The following SLC12A3 variants were observed in gnomAD, a reference collection of about 807,000 sequenced individuals.
The protein encoded by SLC12A3 is solute carrier family 12 member 3.
A neutral mutation model predicts 121.0 loss-of-function variants in SLC12A3; 104 were observed. The ratio of observed to expected loss-of-function variants is 0.86; its 90% CI spans 0.73 to 1.01. SLC12A3 has a LOEUF of 1.01. Ranked by LOEUF, SLC12A3 falls within the 50% of genes least tolerant of loss-of-function variation. The pLI is 0.00. For missense variants in SLC12A3, 1,328 were observed against 1,356.3 expected, an observed-to-expected ratio of 0.98 and a Z score of 0.33; for synonymous variants, 536 against 533.4, an observed-to-expected ratio of 1.00 and a Z score of -0.07.
intron 6 of SLC12A3, 110 bp from the exon 7 acceptor site, chr16:56,872,241 G>A: frequency 1.3e-6 from 1 of 748,794 alleles, no homozygotes; most frequent in South Asian, 1.5e-5. Flanking sequence ...TTGAATGAAT[G>A]AGTGAGTGAA....
Position 56,870,630 on chromosome 16 carries a change from A to G in SLC12A3, c.746A>G (p.Tyr249Cys), listed in dbSNP as rs35762591. ...TGGCCCATTTTCCCTCCCCAGGAGT[A>G]TGGGGCACCCATCGTGGACCCCATT... is the stretch of plus-strand genomic sequence containing the variant. ...AETVRDLLQE[Y>C]GAPIVDPIND... is the part of the protein sequence containing the mutation. The change falls in exon 6 of 26, where the codon TAT (tyrosine) becomes TGT (cysteine). Residue 249 changes from tyrosine (Y) to cysteine (C), a missense_variant. Physicochemically the swap from Tyr to Cys is radical, Grantham distance 194. Transcript: ENST00000563236. 1.1e-5 allele frequency: 17 copies of G among 1,603,740 alleles called. No individual in the cohort carries two copies. In the African/African-American group the frequency reaches 1.5e-4, roughly 14 times the overall value.
rs9921308 is a variant in SLC12A3, at chr16:56,894,793, A to C, written c.2633+151A>C. 128,907 of 649,900 alleles carry C rather than the reference A, an allele frequency of 0.2. 13,645 individuals carry two copies. Among genetic ancestry groups the C allele is most frequent in the African/African-American group, 0.31 (17,194 of 55,632 alleles). 40.3% of individuals were successfully genotyped at this position (649,900 alleles called of 1,614,324 possible). A position where few individuals can be genotyped will look rare whatever the true frequency, so the allele number is the denominator to read the frequency against. ...GCCCAGGGCCAGCTCTCTCCAGGCCATGGCAGTGGGCAGGAGCAGGAGCAG... is the reference window on the plus strand; with the variant it reads ...GCCCAGGGCCAGCTCTCTCCAGGCCCTGGCAGTGGGCAGGAGCAGGAGCAG... On this transcript the variant is annotated intron_variant, in intron 22 of 25. Transcript: ENST00000563236.
intron 8 of SLC12A3, among the ~76,000 whole-genome samples, chr16:56,873,134 C>G (rs2055120784): frequency 6.6e-6 from 1 of 152,168 alleles, no homozygotes; most frequent in Non-Finnish European, 1.5e-5. Flanking sequence ...TCCCAGGGCT[C>G]CCCACTGCCT....
chr16:56,888,482 C>T (rs570094216), intron 18 of SLC12A3, among the ~76,000 whole-genome samples: 6 of 150,282 alleles, frequency 4.0e-5, no homozygotes, highest in Non-Finnish European at 7.4e-5. Flanking sequence ...CTACTTGGCT[C>T]GTGTCCATGC....
Position 56,913,372 on chromosome 16 carries a change from C to A in SLC12A3, c.3033C>A (p.Asn1011Lys). 1 of 1,614,178 alleles carries A rather than the reference C, an allele frequency of 6.2e-7. No individual in the cohort carries two copies. The highest frequency in any genetic ancestry group is 8.5e-7 in the Non-Finnish European group (1 of 1,179,998). ...LRPPVILIRG[N>K]QENVLTFYCQ Reference sequence around the variant, plus strand: ...CTCCAGTCATCCTGATCCGAGGAAACCAGGAAAACGTGCTCACCTTTTACT... The same window carrying A: ...CTCCAGTCATCCTGATCCGAGGAAAACAGGAAAACGTGCTCACCTTTTACT... The change falls in exon 26 of 26, where the codon AAC becomes AAA. Residue 1011 changes from asparagine to lysine, a missense_variant. Asn to Lys is a moderately conservative substitution (Grantham distance 94). Coordinates refer to ENST00000563236, the MANE Select transcript of SLC12A3 (RefSeq NM_001126108.2).
chr16:56,904,255 T>G (rs2055576835), intron 24 of SLC12A3, 140 bp from the exon 25 acceptor site: 4 of 827,666 alleles, frequency 4.8e-6, no homozygotes, highest in Non-Finnish European at 8.4e-6. Context: ...GACAGGAGAC[T>G]CTATAAGAAT....
Position 56,894,639 on chromosome 16 carries a change from A to G in SLC12A3, c.2630A>G (p.Lys877Arg), listed in dbSNP as rs1205537693. The G allele has an allele frequency of 1.2e-6, 2 of 1,613,010 alleles. No individual in the cohort carries two copies. Among genetic ancestry groups the G allele is most frequent in the African/African-American group, 2.7e-5 (2 of 74,882 alleles). ...ATTAACAGGATGGACCAGGAGAGAAAGGCGTAAGTGTGGAGGGCTGGCCTG... is the reference window on the plus strand; with the variant it reads ...ATTAACAGGATGGACCAGGAGAGAAGGGCGTAAGTGTGGAGGGCTGGCCTG... ...GQINRMDQER[K>R]AIISLLSKFR... is the part of the protein sequence containing the mutation. The change falls in exon 22 of 26, where the codon AAG becomes AGG. Residue 877 changes from lysine to arginine, a missense_variant. Lys to Arg is a conservative substitution (Grantham distance 26, BLOSUM62 2). Transcript: ENST00000563236.
intron 1 of SLC12A3, among the ~76,000 whole-genome samples, chr16:56,865,966 T>TTTTTC (rs201167775): frequency 3.4e-4 from 50 of 146,598 alleles, no homozygotes; most frequent in African/African-American, 4.8e-4. Flanking sequence ...GAATTGTTCT[T>TTTTTC]TTTTCTTTTC....
chr16:56,890,375 C>T lies in SLC12A3; in HGVS notation c.2368+19C>T. The T allele has an allele frequency of 1.2e-6, 2 of 1,607,186 alleles. No individual in the cohort carries two copies. Among genetic ancestry groups the T allele is most frequent in the Non-Finnish European group, 1.7e-6 (2 of 1,173,744 alleles). ...GCGCACAGTGAGTACATGCCCCACC[C>T]ACTCCCAGAAAGTTCTAGAACACAT... is the stretch of plus-strand genomic sequence containing the variant. On this transcript the variant is annotated intron_variant, in intron 19 of 25. Coordinates refer to ENST00000563236, the MANE Select transcript of SLC12A3 (RefSeq NM_001126108.2).
intron 25 of SLC12A3, among the ~76,000 whole-genome samples, chr16:56,905,157 T>A (rs1186507019): frequency 6.6e-6 from 1 of 151,906 alleles, no homozygotes; most frequent in African/African-American, 2.4e-5. Flanking sequence ...CTGACCAACA[T>A]GGAGAAACCC....
intron 25 of SLC12A3, among the ~76,000 whole-genome samples, chr16:56,908,491 C>T (rs1181198318): frequency 4.6e-5 from 7 of 151,944 alleles, no homozygotes; most frequent in Admixed American, 1.3e-4. Flanking sequence ...GTTGAACTGC[C>T]GCTTGCAACA....
chr16:56,865,995 T>C (rs1964345604), intron 1 of SLC12A3, among the ~76,000 whole-genome samples: 1 of 150,282 alleles, frequency 6.7e-6, no homozygotes, highest in Non-Finnish European at 1.5e-5. Context: ...TCTTTTCTTT[T>C]TTTTTTTTGA....
intron 13 of SLC12A3, among the ~76,000 whole-genome samples, chr16:56,883,279 C>CTTTTTTTT: frequency 8.4e-6 from 1 of 119,550 alleles, no homozygotes; most frequent in Non-Finnish European, 1.7e-5. Flanking sequence ...CTTTTTCTTT[C>CTTTTTTTT]TTTTTTTTTT....
intron 25 of SLC12A3, among the ~76,000 whole-genome samples, chr16:56,908,974 C>T (rs2055647195): frequency 6.6e-6 from 1 of 152,224 alleles, no homozygotes. Context: ...TGCATTTTGT[C>T]TATGCGATTA....
At chr16:56,888,671 G>T (rs1298974073) in intron 18 of SLC12A3, among the ~76,000 whole-genome samples, 1 of 138,992 alleles carries the variant, frequency 7.2e-6, no homozygotes, top group Non-Finnish European at 1.5e-5. Flanking sequence ...CCATTCTCCT[G>T]CCTCAGCCTC....
chr16:56,886,003 C>T (rs536808197), intron 15 of SLC12A3, among the ~76,000 whole-genome samples: 16 of 152,212 alleles, frequency 1.1e-4, no homozygotes, highest in East Asian at 3.9e-4. Context: ...TACCTCTCGA[C>T]GCAGAGGCTG....
Position 56,865,395 on chromosome 16 carries a change from C to A in SLC12A3, c.160C>A (p.Arg54Ser). The A allele has an allele frequency of 6.2e-7, 1 of 1,614,222 alleles. No individual in the cohort carries two copies. Among genetic ancestry groups the A allele is most frequent in the South Asian group, 1.1e-5 (1 of 91,086 alleles). Reference sequence around the variant, plus strand: ...GACCCACAGCAGCACCTTCTGCATGCGCACCTTTGGCTACAACACGATCGA... The same window carrying A: ...GACCCACAGCAGCACCTTCTGCATGAGCACCTTTGGCTACAACACGATCGA... ...HLTHSSTFCM[R>S]TFGYNTIDVV... is the part of the protein sequence containing the mutation. The change falls in exon 1 of 26, where the codon CGC becomes AGC. Residue 54 changes from arginine (R) to serine (S), a missense_variant. Arg to Ser is a moderately radical substitution (Grantham distance 110). Transcript: ENST00000563236.
intron 15 of SLC12A3, 56 bp from the exon 16 acceptor site, chr16:56,886,308 C>A: frequency 7.4e-7 from 1 of 1,354,246 alleles, no homozygotes; most frequent in Non-Finnish European, 1.1e-6. Flanking sequence ...CTTTCGCACC[C>A]AGACCCCCGT....
At chr16:56,900,012 A>G (rs561475896) in intron 23 of SLC12A3, among the ~76,000 whole-genome samples, 1 of 152,324 alleles carries the variant, frequency 6.6e-6, no homozygotes, top group Non-Finnish European at 1.5e-5. Context: ...TCCAAATGGT[A>G]TAACTCCGTC....
Sources: allele counts gnomAD v4.1 joint callset (sites outside exome capture counted in the v4.1 genomes callset), GRCh38; gene constraint gnomAD v4.1.1; transcripts MANE v1.5; gene names NCBI Gene and HGNC (gene_info 2026-07-23, HGNC 2026-07-21).